Variants in SEL1L observed in about 807,000 individuals in gnomAD.
The protein encoded by SEL1L is SEL1L adaptor subunit of SYVN1 ubiquitin ligase, also known as protein sel-1 homolog 1.
SEL1L carries 52 observed loss-of-function variants against 109.8 expected under a neutral mutation model. That is an observed-to-expected ratio of 0.47 (90% CI 0.38 to 0.60). The LOEUF (loss-of-function observed/expected upper bound fraction) is 0.60. SEL1L is among the 20% of genes least tolerant of loss of function. The probability of loss-of-function intolerance (pLI) is 0.00; values close to 1 mark genes in which losing one functional copy is unlikely to be tolerated. For missense variants in SEL1L, 749 were observed against 962.2 expected, an observed-to-expected ratio of 0.78 and a Z score of 2.93; for synonymous variants, 373 against 339.6, an observed-to-expected ratio of 1.10 and a Z score of -1.08.
At chr14:81,512,376 A>G (rs1336882071) in intron 3 of SEL1L, among the ~76,000 whole-genome samples, 1 of 152,202 alleles carries the variant, frequency 6.6e-6, no homozygotes, top group Non-Finnish European at 1.5e-5. Flanking sequence ...TTAACATATC[A>G]TTGACATTCT....
intron 10 of SEL1L, 97 bp from the exon 11 acceptor site, chr14:81,495,234 C>T: frequency 9.7e-7 from 1 of 1,027,986 alleles, no homozygotes; most frequent in Non-Finnish European, 1.5e-6. Context: ...AAAATGGCTT[C>T]TGTTCATGAC....
rs138171090 is a variant in SEL1L, at chr14:81,487,322, T to C, written c.1632+68A>G. ...AAGAAAACATACAAAAAAACCAGAA[T>C]TGAAAGCGCAGACTTTCCTGCTGGG... On this transcript the variant is annotated intron_variant, in intron 16 of 20. Transcript: ENST00000336735. The C allele has an allele frequency of 9.9e-5, 143 of 1,446,140 alleles. No homozygotes were observed. In the African/African-American group the frequency reaches 1.7e-3, roughly 17 times the overall value. 89.6% of individuals were successfully genotyped at this position (1,446,140 alleles called of 1,614,324 possible). A position where few individuals can be genotyped will look rare whatever the true frequency, so the allele number is the denominator to read the frequency against.
chr14:81,485,018 A>G (rs1467396633), intron 18 of SEL1L, among the ~76,000 whole-genome samples: 1 of 152,236 alleles, frequency 6.6e-6, no homozygotes. Flanking sequence ...AGGAACATGT[A>G]TAAAAAATAA....
rs80146353 is a variant in SEL1L, at chr14:81,531,453, T to C, written c.70+2222A>G. 2.1e-3 allele frequency among the ~76,000 whole-genome samples: 316 copies of C among 152,334 alleles called. 6 individuals carry two copies. In the East Asian group the frequency reaches 0.053, roughly 26 times the overall value. Reference sequence around the variant, plus strand: ...ATAACCAAAAACTTGATTTTAATACTGGAGTAAAACTTTAAACTTTGAGGC... The same window carrying C: ...ATAACCAAAAACTTGATTTTAATACCGGAGTAAAACTTTAAACTTTGAGGC... On this transcript the variant is annotated intron_variant, in intron 1 of 20. Coordinates refer to ENST00000336735, the MANE Select transcript of SEL1L (RefSeq NM_005065.6).
chr14:81,481,395 T>C (rs551795948), intron 19 of SEL1L, among the ~76,000 whole-genome samples: 13 of 152,336 alleles, frequency 8.5e-5, no homozygotes, highest in Admixed American at 7.8e-4. Flanking sequence ...GGGTGTGTCA[T>C]TATTTAAAAA....
chr14:81,479,889 G>A, intron 19 of SEL1L, 149 bp from the exon 20 acceptor site: 4 of 710,368 alleles, frequency 5.6e-6, no homozygotes, highest in South Asian at 4.5e-5. Flanking sequence ...AGCTTTACTT[G>A]GGTAAAATTC....
chr14:81,527,913 G>GA (rs537690718), intron 1 of SEL1L, among the ~76,000 whole-genome samples, 175 bp from the exon 2 acceptor site: 171 of 147,658 alleles, frequency 1.2e-3, no homozygotes, highest in East Asian at 6.9e-3. Flanking sequence ...CAAGTGAAAG[G>GA]AAAAAAAAAA....
At chr14:81,522,213 A>T (rs1001972644) in intron 3 of SEL1L, among the ~76,000 whole-genome samples, 2 of 152,200 alleles carry the variant, frequency 1.3e-5, no homozygotes, top group East Asian at 1.9e-4. Flanking sequence ...TTGAAAAAAA[A>T]TTTTGAAAAT....
In SEL1L at chr14:81,474,528, C is replaced by T. The variant is rs1319631930; in HGVS notation, c.*2444G>A. Reference sequence around the variant, plus strand: ...GTTTAATGTCACTGACATTAACTAGCTTTAGTTATTGTCATTTTATTCAAA... The same window carrying T: ...GTTTAATGTCACTGACATTAACTAGTTTTAGTTATTGTCATTTTATTCAAA... On this transcript the variant is annotated 3_prime_UTR_variant, in exon 21 of 21. Coordinates refer to ENST00000336735, the MANE Select transcript of SEL1L (RefSeq NM_005065.6). 6.6e-6 allele frequency: 1 copy of T among 152,116 alleles called. No individual in the cohort carries two copies. The highest frequency in any genetic ancestry group is 1.5e-5 in the Non-Finnish European group (1 of 68,024). 9.4% of individuals were successfully genotyped at this position (152,116 alleles called of 1,614,324 possible).
intron 10 of SEL1L, 28 bp from the exon 11 acceptor site, chr14:81,495,165 G>C: frequency 1.2e-6 from 2 of 1,606,780 alleles, no homozygotes; most frequent in East Asian, 2.2e-5. Flanking sequence ...CAAGGCAAAA[G>C]TAAGTGGTAC....
Position 81,533,794 on chromosome 14 carries a change from G to GCCACCACGGACTCAGCCA in SEL1L, c.-68_-51dup. The GCCACCACGGACTCAGCCA allele has an allele frequency of 6.4e-7, 1 of 1,566,722 alleles. No individual in the cohort carries two copies. Among genetic ancestry groups the GCCACCACGGACTCAGCCA allele is most frequent in the Non-Finnish European group, 8.7e-7 (1 of 1,146,124 alleles). On this transcript the variant is annotated 5_prime_UTR_variant, in exon 1 of 21. Transcript: ENST00000336735. ...CCCTAGAGCTGTCGCCTTCGCCTCT[G>GCCACCACGGACTCAGCCA]CCACCACGGACTCAGCCACCACCGC...
At chr14:81,524,973 G>C (rs1181207058) in intron 3 of SEL1L, among the ~76,000 whole-genome samples, 1 of 152,150 alleles carries the variant, frequency 6.6e-6, no homozygotes, top group Non-Finnish European at 1.5e-5. Flanking sequence ...ATTGTAAACA[G>C]ACACTTGAAG....
At chr14:81,510,510 C>CTA (rs1424985040) in intron 3 of SEL1L, among the ~76,000 whole-genome samples, 1,118 of 108,200 alleles carry the variant, frequency 0.01, 5 homozygotes, top group Middle Eastern at 0.03. Flanking sequence ...CTCTCTCTCT[C>CTA]TCTCTATATA....
chr14:81,488,751 A>T (rs1376336006), intron 14 of SEL1L: 2 of 184,740 alleles, frequency 1.1e-5, no homozygotes, highest in Non-Finnish European at 2.2e-5. Flanking sequence ...ATCTGTACAG[A>T]GAGTATAGTT....
chr14:81,486,360 A>G lies in SEL1L; in HGVS notation c.1727T>C (p.Ile576Thr). The G allele has an allele frequency of 6.2e-7, 1 of 1,614,194 alleles. No individual in the cohort carries two copies. The highest frequency in any genetic ancestry group is 8.5e-7 in the Non-Finnish European group (1 of 1,180,022). The change falls in exon 17 of 21, where the codon ATC (isoleucine) becomes ACC (threonine). Residue 576 changes from isoleucine to threonine, a missense_variant. By Grantham distance (89) the Ile-to-Thr change is moderately conservative. Around this residue, in one of 2 missense-constraint regions of SEL1L, gnomAD observed 383 missense variants for 562.5 expected, o/e 0.68. Transcript: ENST00000336735. Reference sequence around the variant, plus strand: ...CTGTTCAGCCAGGAGGAGGTACTGGATCACTGCAGCATTGTAATCGCCATC... The same window carrying G: ...CTGTTCAGCCAGGAGGAGGTACTGGGTCACTGCAGCATTGTAATCGCCATC... ...YKDGDYNAAVIQYLLLAEQGY... is the reference protein window; with the variant it reads ...YKDGDYNAAVTQYLLLAEQGY...
chr14:81,495,066 G>A lies in SEL1L; in HGVS notation c.1185+15C>T. The stretch of plus-strand genomic sequence containing the variant: ...CTAAAACTGAGATGCAAAGCCCTAG[G>A]AACAGGGTAGTTACCTGATGATTCT... On this transcript the variant is annotated intron_variant, in intron 11 of 20. Transcript: ENST00000336735. 1 of 1,612,570 alleles carries A rather than the reference G, an allele frequency of 6.2e-7. No homozygotes were observed. The highest frequency in any genetic ancestry group is 8.5e-7 in the Non-Finnish European group (1 of 1,178,960).
At chr14:81,504,403 G>T in intron 4 of SEL1L, 97 bp from the exon 5 acceptor site, 1 of 778,032 alleles carries the variant, frequency 1.3e-6, no homozygotes, top group South Asian at 2.7e-5. Flanking sequence ...CAAACAAAAT[G>T]AATGATCTTT....
intron 6 of SEL1L, among the ~76,000 whole-genome samples, chr14:81,501,344 G>A (rs1883998399): frequency 6.6e-6 from 1 of 152,124 alleles, no homozygotes; most frequent in Non-Finnish European, 1.5e-5. Context: ...ATAAAGTGCT[G>A]TGGCTTTGTA....
At chr14:81,518,710 G>C (rs2140048200) in intron 3 of SEL1L, among the ~76,000 whole-genome samples, 1 of 147,496 alleles carries the variant, frequency 6.8e-6, no homozygotes, top group East Asian at 1.9e-4. Flanking sequence ...TTAAAACTTA[G>C]GGAGGAAGCC....
Sources: allele counts gnomAD v4.1 joint callset (sites outside exome capture counted in the v4.1 genomes callset), GRCh38; gene constraint gnomAD v4.1.1; regional missense constraint gnomAD v4.1.1; transcripts MANE v1.5; gene names NCBI Gene and HGNC (gene_info 2026-07-23, HGNC 2026-07-21).